Variants in OPHN1 observed in about 807,000 individuals in gnomAD.
OPHN1 encodes the protein oligophrenin-1.
A neutral mutation model predicts 60.7 loss-of-function variants in OPHN1; 11 were observed. The ratio of observed to expected loss-of-function variants is 0.18; its 90% CI spans 0.11 to 0.30. The LOEUF (loss-of-function observed/expected upper bound fraction) is 0.30. Ranked by LOEUF, OPHN1 falls within the 10% of genes least tolerant of loss-of-function variation. The pLI, the probability that OPHN1 is intolerant of heterozygous loss-of-function variation, is 1.00. For missense variants in OPHN1, 449 were observed against 611.0 expected, an observed-to-expected ratio of 0.73 and a Z score of 2.80; for synonymous variants, 226 against 222.6, an observed-to-expected ratio of 1.02 and a Z score of -0.14.
chrX:68,202,408 CT>C (rs1443233984), intron 10 of OPHN1, among the ~76,000 whole-genome samples: 1 of 111,863 alleles, frequency 8.9e-6, no homozygotes, highest in African/African-American at 3.3e-5. Flanking sequence ...CTAGTCTCAC[CT>C]TGTTCAGATT....
chrX:68,081,586 A>G (rs1046635053), intron 19 of OPHN1, among the ~76,000 whole-genome samples: 15 of 112,055 alleles, frequency 1.3e-4, no homozygotes, highest in South Asian at 7.5e-4. Context: ...ACTATACTGT[A>G]GTCTAGTAAG....
At chrX:68,197,583 G>GCT (rs2077518237) in intron 11 of OPHN1, among the ~76,000 whole-genome samples, 1 of 110,500 alleles carries the variant, frequency 9.0e-6, no homozygotes, top group African/African-American at 3.3e-5. Context: ...CCAAACAAAG[G>GCT]CTCTCACTGC....
chrX:68,280,780 A>G lies in OPHN1; in HGVS notation c.312+2276T>C, dbSNP rs1404556826. ...CAATAATTTTCTGCTGGTGCTGGTCATGATGGTACTGCCGGTCTAAGGACC... is the reference window on the plus strand; with the variant it reads ...CAATAATTTTCTGCTGGTGCTGGTCGTGATGGTACTGCCGGTCTAAGGACC... On this transcript the variant is annotated intron_variant, in intron 4 of 24. Coordinates refer to ENST00000355520, the MANE Select transcript of OPHN1 (RefSeq NM_002547.3). Among the ~76,000 whole-genome samples the G allele has an allele frequency of 2.7e-5, 3 of 111,653 alleles. No homozygotes were observed. In the East Asian group the frequency reaches 8.5e-4, roughly 32 times the overall value.
intron 18 of OPHN1, among the ~76,000 whole-genome samples, chrX:68,110,028 T>C (rs1346789816): frequency 1.8e-5 from 2 of 110,401 alleles, no homozygotes; most frequent in African/African-American, 6.6e-5. Flanking sequence ...TAACATATCA[T>C]ATACCCTGTT....
At position 68,341,141 on chromosome X, in the gene OPHN1, T is replaced by C. The variant is rs757986985; in HGVS notation, c.155-42045A>G. 6.4e-5 allele frequency among the ~76,000 whole-genome samples: 7 copies of C among 109,143 alleles called. No individual in the cohort carries two copies. The East Asian group carries it at 2.0e-3, about 31-fold the overall frequency. The allele number at this position is 109,143 out of a possible 115,157, so 94.8% of individuals were successfully genotyped here. On this transcript the variant is annotated intron_variant, in intron 2 of 24. Transcript: ENST00000355520. ...CACCATTGTGCAACCCATAATTAAATAGCATATCTAAGCAATAACTGCTAA... is the reference window on the plus strand; with the variant it reads ...CACCATTGTGCAACCCATAATTAAACAGCATATCTAAGCAATAACTGCTAA...
chrX:68,071,116 T>G, intron 20 of OPHN1: 1 of 1,000,174 alleles, frequency 1.0e-6, no homozygotes. Context: ...CAGGTGGATC[T>G]TGTCTGCAAA....
chrX:68,399,815 C>CT (rs1180929782), intron 2 of OPHN1, among the ~76,000 whole-genome samples: 30 of 90,768 alleles, frequency 3.3e-4, no homozygotes, highest in South Asian at 2.1e-3. Flanking sequence ...GTTTTAGTTT[C>CT]TTTTTTTTTC....
intron 5 of OPHN1, among the ~76,000 whole-genome samples, chrX:68,266,245 C>A (rs781360585): frequency 2.5e-4 from 28 of 111,054 alleles, no homozygotes; most frequent in Non-Finnish European, 3.8e-4. Context: ...CCAAAGTTCA[C>A]ATGAAGGAAA....
chrX:68,110,213 G>T, intron 18 of OPHN1, among the ~76,000 whole-genome samples: 1 of 111,647 alleles, frequency 9.0e-6, no homozygotes, highest in Non-Finnish European at 1.9e-5. Context: ...CTCAGTATAG[G>T]TTTAATTTGT....
chrX:68,415,846 C>T (rs929866560), intron 2 of OPHN1, among the ~76,000 whole-genome samples: 1 of 108,299 alleles, frequency 9.2e-6, no homozygotes, highest in Non-Finnish European at 1.9e-5. Flanking sequence ...GAAACCCCAT[C>T]TCTACTAAAA....
chrX:68,213,457 T>C (rs1279820363), intron 7 of OPHN1, among the ~76,000 whole-genome samples: 1 of 110,215 alleles, frequency 9.1e-6, no homozygotes, highest in East Asian at 2.9e-4. Flanking sequence ...GAAGTAAAAG[T>C]AGTAGAATGA....
At chrX:68,108,580 A>G (rs1477779645) in intron 18 of OPHN1, among the ~76,000 whole-genome samples, 2 of 111,095 alleles carry the variant, frequency 1.8e-5, no homozygotes, top group Non-Finnish European at 3.8e-5. Flanking sequence ...CTTTATCTTT[A>G]TAAGATCTGT....
At chrX:68,383,069 T>C (rs1254232694) in intron 2 of OPHN1, among the ~76,000 whole-genome samples, 1 of 110,697 alleles carries the variant, frequency 9.0e-6, no homozygotes, top group East Asian at 2.9e-4. Context: ...AGGCTTGGAA[T>C]CCCAACACTT....
intron 5 of OPHN1, among the ~76,000 whole-genome samples, chrX:68,269,141 T>C (rs1226020646): frequency 1.8e-5 from 2 of 111,344 alleles, no homozygotes; most frequent in African/African-American, 6.5e-5. Flanking sequence ...AGAATCAATA[T>C]CGTGAAAATG....
At chrX:68,285,216 CCATTT>C (rs1156258150) in intron 3 of OPHN1, among the ~76,000 whole-genome samples, 3 of 111,486 alleles carry the variant, frequency 2.7e-5, no homozygotes, top group African/African-American at 9.8e-5. Context: ...TTTCTGTTCT[CCATTT>C]CATTTATTTC....
intron 18 of OPHN1, among the ~76,000 whole-genome samples, chrX:68,103,463 G>A (rs1431130524): frequency 1.8e-5 from 2 of 110,777 alleles, no homozygotes; most frequent in African/African-American, 3.3e-5. Context: ...TTTAAAAACC[G>A]CCACAAGACA....
chrX:68,425,696 T>G, intron 2 of OPHN1, among the ~76,000 whole-genome samples: 1 of 109,199 alleles, frequency 9.2e-6, no homozygotes, highest in East Asian at 2.9e-4. Flanking sequence ...ATTGAGTTAT[T>G]AAAACTATAG....
In OPHN1 at chrX:68,360,599, G is replaced by A. The variant is rs541442872; in HGVS notation, c.155-61503C>T. On this transcript the variant is annotated intron_variant, in intron 2 of 24. Coordinates refer to ENST00000355520, the MANE Select transcript of OPHN1 (RefSeq NM_002547.3). ...GAGCTCAGGAGTTCAAGACCAGCAT[G>A]GGTAACATAGTGAGACCCTGTCTCT... Among the ~76,000 whole-genome samples the A allele has an allele frequency of 1.8e-3, 199 of 111,025 alleles. 2 individuals are homozygous for A. The highest frequency in any genetic ancestry group is 0.017 in the Admixed American group (176 of 10,326).
intron 2 of OPHN1, among the ~76,000 whole-genome samples, chrX:68,371,985 TC>T (rs941762625): frequency 1.8e-5 from 2 of 112,192 alleles, no homozygotes; most frequent in African/African-American, 6.5e-5. Flanking sequence ...CCTCAGGTGA[TC>T]CACCCACCTC....
Sources: gnomAD v4.1 joint callset for allele counts (sites outside exome capture counted in the v4.1 genomes callset) on GRCh38, gnomAD v4.1.1 for gene constraint, MANE v1.5 for transcripts, NCBI Gene and HGNC (gene_info 2026-07-23, HGNC 2026-07-21) for gene names.